KCNN2: variants seen among roughly 807,000 people sequenced by gnomAD.
KCNN2 encodes the protein small conductance calcium-activated potassium channel protein 2.
A neutral mutation model predicts 55.5 loss-of-function variants in KCNN2; 24 were observed. That is an observed-to-expected ratio of 0.43 (90% CI 0.31 to 0.61). The LOEUF (loss-of-function observed/expected upper bound fraction) is 0.61, where lower values mean the gene tolerates loss of function less well. KCNN2 is among the 20% of genes least tolerant of loss of function. The pLI, the probability that KCNN2 is intolerant of heterozygous loss-of-function variation, is 0.08. For synonymous variants in KCNN2, 431 were observed against 336.1 expected (o/e 1.28, Z -3.09); for missense variants, 754 against 853.6 (o/e 0.88, Z 1.45).
intron 3 of KCNN2, among the ~76,000 whole-genome samples, chr5:114,451,360 G>T (rs989581038): frequency 6.6e-6 from 1 of 152,098 alleles, no homozygotes; most frequent in African/African-American, 2.4e-5. Flanking sequence ...TCCCAAGTGT[G>T]AATGAAACTG....
chr5:114,369,127 A>AC (rs1757689423), intron 2 of KCNN2, among the ~76,000 whole-genome samples: 1 of 152,228 alleles, frequency 6.6e-6, no homozygotes, highest in Admixed American at 6.5e-5. Context: ...CTAGTCTTCT[A>AC]GAAAGGCCGT....
intron 1 of KCNN2, among the ~76,000 whole-genome samples, chr5:114,202,745 C>A (rs1753700568): frequency 6.6e-6 from 1 of 151,448 alleles, no homozygotes; most frequent in Non-Finnish European, 1.5e-5. Flanking sequence ...TGCCACCACG[C>A]CTGGCTAATT....
At chr5:114,448,178 CT>C (rs1760497503) in intron 3 of KCNN2, among the ~76,000 whole-genome samples, 1 of 152,198 alleles carries the variant, frequency 6.6e-6, no homozygotes, top group Non-Finnish European at 1.5e-5. Context: ...TTCAGCTCCC[CT>C]ATCTCATCCT....
intron 1 of KCNN2, among the ~76,000 whole-genome samples, chr5:114,192,600 A>G (rs1174458895): frequency 2.0e-5 from 3 of 152,100 alleles, no homozygotes; most frequent in African/African-American, 4.8e-5. Context: ...AGGTTCACCA[A>G]AAAGTATCAT....
intron 5 of KCNN2, among the ~76,000 whole-genome samples, chr5:114,482,854 G>A (rs1322642611): frequency 2.0e-5 from 3 of 152,050 alleles, no homozygotes; most frequent in Non-Finnish European, 4.4e-5. Flanking sequence ...TGGTGGGAGG[G>A]AACAGCACAC....
intron 1 of KCNN2, among the ~76,000 whole-genome samples, chr5:114,147,455 G>C (rs545929624): frequency 1.3e-5 from 2 of 152,278 alleles, no homozygotes; most frequent in African/African-American, 4.8e-5. Context: ...TATTGAAAGA[G>C]TTTTAGAGGC....
At position 114,496,292 on chromosome 5, in the gene KCNN2, G is replaced by T; in HGVS notation, c.*110G>T. ...TAATCAGCGTTATCCGGGTTCTGAT[G>T]TCAGAATCCTGGGAACCTGAACACT... On this transcript the variant is annotated 3_prime_UTR_variant, in exon 8 of 8. Coordinates refer to ENST00000673685, the MANE Select transcript of KCNN2 (RefSeq NM_021614.4). 1 of 1,210,718 alleles carries T rather than the reference G, an allele frequency of 8.3e-7. No individual in the cohort carries two copies. The highest frequency in any genetic ancestry group is 1.1e-6 in the Non-Finnish European group (1 of 882,704). 75.0% of individuals were successfully genotyped at this position (1,210,718 alleles called of 1,614,324 possible).
At chr5:114,060,975 A>G (rs1040723964) in intron 1 of KCNN2, among the ~76,000 whole-genome samples, 3 of 152,222 alleles carry the variant, frequency 2.0e-5, no homozygotes, top group Non-Finnish European at 2.9e-5. Flanking sequence ...ATGGGGAACT[A>G]TTCCTGGGCA....
chr5:114,234,647 C>T (rs1378685925), intron 2 of KCNN2, among the ~76,000 whole-genome samples: 1 of 152,082 alleles, frequency 6.6e-6, no homozygotes, highest in Non-Finnish European at 1.5e-5. Flanking sequence ...TGTTGAGAAT[C>T]TGCATACTCA....
At chr5:114,455,861 C>T (rs183982037) in intron 3 of KCNN2, among the ~76,000 whole-genome samples, 2 of 152,360 alleles carry the variant, frequency 1.3e-5, no homozygotes, top group East Asian at 3.9e-4. Context: ...AAGGTCCTAA[C>T]TCTCTTCAGT....
intron 1 of KCNN2, among the ~76,000 whole-genome samples, chr5:114,146,961 T>A (rs1485973340): frequency 2.0e-5 from 3 of 152,204 alleles, no homozygotes; most frequent in African/African-American, 7.2e-5. Flanking sequence ...GTCAGCAATA[T>A]TTTTGATGGT....
chr5:114,080,464 T>G (rs995179392), intron 1 of KCNN2, among the ~76,000 whole-genome samples: 7 of 152,206 alleles, frequency 4.6e-5, no homozygotes, highest in African/African-American at 1.7e-4. Context: ...TACATTTAAT[T>G]TATTTGGTAG....
chr5:114,433,511 G>A (rs759771993), intron 3 of KCNN2: 1 of 152,298 alleles, frequency 6.6e-6, no homozygotes, highest in Non-Finnish European at 1.5e-5. Flanking sequence ...AGCCAGCAGT[G>A]GCAACCCGCT....
intron 1 of KCNN2, among the ~76,000 whole-genome samples, chr5:114,116,914 C>T (rs551347270): frequency 6.6e-6 from 1 of 152,172 alleles, no homozygotes; most frequent in East Asian, 1.9e-4. Context: ...ATAATATTGC[C>T]ATCTGCTTCC....
At position 114,496,314 on chromosome 5, in the gene KCNN2, CACTAAGTTTTAGGCCAAAATGAGTGAAA is replaced by C. The variant is rs948015655; in HGVS notation, c.*136_*163del. 7 of 1,016,322 alleles carry C rather than the reference CACTAAGTTTTAGGCCAAAATGAGTGAAA, an allele frequency of 6.9e-6. No homozygotes were observed. The African/African-American group carries it at 1.1e-4, about 16-fold the overall frequency. The allele number at this position is 1,016,322 out of a possible 1,614,324, so 63.0% of individuals were successfully genotyped here. A position where few individuals can be genotyped will look rare whatever the true frequency, so the allele number is the denominator to read the frequency against. ...GATGTCAGAATCCTGGGAACCTGAA[CACTAAGTTTTAGGCCAAAATGAGTGAAA>C]ACTCTTTTTTTTTCTTTCAGATGCA... On this transcript the variant is annotated 3_prime_UTR_variant, in exon 8 of 8. Transcript: ENST00000673685.
chr5:114,095,641 C>T (rs1341457039), intron 1 of KCNN2, among the ~76,000 whole-genome samples: 1 of 152,072 alleles, frequency 6.6e-6, no homozygotes, highest in Non-Finnish European at 1.5e-5. Context: ...TTCAGTTGGC[C>T]TTAATTTTCT....
intron 2 of KCNN2, among the ~76,000 whole-genome samples, chr5:114,353,244 C>T (rs545920306): frequency 2.6e-5 from 4 of 151,690 alleles, no homozygotes; most frequent in African/African-American, 7.3e-5. Context: ...GTATAACAGA[C>T]AGTAGATATG....
intron 3 of KCNN2, among the ~76,000 whole-genome samples, chr5:114,418,066 T>C (rs1487966841): frequency 6.6e-6 from 1 of 152,176 alleles, no homozygotes; most frequent in Non-Finnish European, 1.5e-5. Flanking sequence ...TAACACTTAA[T>C]GAGTGACTTA....
chr5:114,318,622 T>TATG (rs1756549960), intron 2 of KCNN2, among the ~76,000 whole-genome samples: 2 of 151,360 alleles, frequency 1.3e-5, no homozygotes, highest in Non-Finnish European at 2.9e-5. Flanking sequence ...ATAATTCATA[T>TATG]ATAATTATTA....
Sources: allele counts gnomAD v4.1 joint callset (sites outside exome capture counted in the v4.1 genomes callset), GRCh38; gene constraint gnomAD v4.1.1; transcripts MANE v1.5; gene names NCBI Gene and HGNC (gene_info 2026-07-23, HGNC 2026-07-21).